The following ALDH1A2 variants were observed in gnomAD, a reference collection of about 807,000 sequenced individuals.
ALDH1A2 encodes the protein aldehyde dehydrogenase 1 family member A2.
In ALDH1A2, 27 loss-of-function variants were observed where a neutral mutation model predicts 60.3. The observed-to-expected ratio is 0.45, with a 90% CI of 0.33 to 0.62. ALDH1A2 has a LOEUF of 0.62. Ranked by LOEUF, ALDH1A2 falls within the 20% of genes least tolerant of loss-of-function variation. The pLI, the probability that ALDH1A2 is intolerant of heterozygous loss-of-function variation, is 0.02. For synonymous variants in ALDH1A2, 289 were observed against 232.4 expected, an observed-to-expected ratio of 1.24 and a Z score of -2.21; for missense variants, 581 against 643.8, an observed-to-expected ratio of 0.90 and a Z score of 1.06.
chr15:58,062,158 A>T (rs1386331508), intron 1 of ALDH1A2, among the ~76,000 whole-genome samples: 1 of 152,144 alleles, frequency 6.6e-6, no homozygotes, highest in Non-Finnish European at 1.5e-5. Flanking sequence ...GCAGGTCATT[A>T]TGTTATAAAT....
At chr15:57,996,701 T>A (rs1007954203) in intron 4 of ALDH1A2, among the ~76,000 whole-genome samples, 5 of 151,994 alleles carry the variant, frequency 3.3e-5, no homozygotes, top group African/African-American at 1.2e-4. Context: ...AATTTCTTGA[T>A]CTAAGTGTAT....
chr15:58,025,678 G>T (rs1006414483), intron 1 of ALDH1A2, among the ~76,000 whole-genome samples: 1 of 152,202 alleles, frequency 6.6e-6, no homozygotes, highest in Non-Finnish European at 1.5e-5. Context: ...AATACCTGAG[G>T]ATAGATAATT....
chr15:58,001,876 GTTCTGGATACCACA>G (rs1895286980), intron 4 of ALDH1A2, among the ~76,000 whole-genome samples: 1 of 151,916 alleles, frequency 6.6e-6, no homozygotes, highest in Non-Finnish European at 1.5e-5. Flanking sequence ...ACCAGAAAAT[GTTCTGGATACCACA>G]TTGTAGGTCA....
At chr15:58,026,344 A>G (rs1264618378) in intron 1 of ALDH1A2, among the ~76,000 whole-genome samples, 1 of 152,176 alleles carries the variant, frequency 6.6e-6, no homozygotes, top group African/African-American at 2.4e-5. Context: ...TAATCATCTC[A>G]ATAGATGCAG....
chr15:57,987,552 GA>G (rs1894744853), intron 7 of ALDH1A2, among the ~76,000 whole-genome samples: 1 of 152,018 alleles, frequency 6.6e-6, no homozygotes, highest in African/African-American at 2.4e-5. Context: ...TGTCACATTA[GA>G]ATTTTATATC....
chr15:58,036,905 G>A (rs1225605552), intron 1 of ALDH1A2, among the ~76,000 whole-genome samples: 3 of 151,694 alleles, frequency 2.0e-5, no homozygotes, highest in Admixed American at 2.0e-4. Context: ...CTGGAGTAGG[G>A]AATGGGGAAG....
At chr15:58,036,005 TAATC>T (rs1555405161) in intron 1 of ALDH1A2, among the ~76,000 whole-genome samples, 1 of 151,712 alleles carries the variant, frequency 6.6e-6, no homozygotes, top group Non-Finnish European at 1.5e-5. Flanking sequence ...TTCTTTTAAT[TAATC>T]AATACATTAA....
chr15:58,022,617 C>T (rs994115818), intron 1 of ALDH1A2, among the ~76,000 whole-genome samples: 1 of 152,142 alleles, frequency 6.6e-6, no homozygotes, highest in African/African-American at 2.4e-5. Flanking sequence ...GACAGGCACA[C>T]TCAACCCACC....
At chr15:57,982,014 G>A (rs1339161581) in intron 7 of ALDH1A2, among the ~76,000 whole-genome samples, 3 of 152,172 alleles carry the variant, frequency 2.0e-5, no homozygotes, top group African/African-American at 7.2e-5. Context: ...CGACAAGACA[G>A]CACGAGATTC....
intron 9 of ALDH1A2, 46 bp from the exon 10 acceptor site, chr15:57,962,222 A>C (rs1162802580): frequency 1.9e-6 from 3 of 1,598,536 alleles, no homozygotes; most frequent in Admixed American, 3.3e-5. Context: ...CCTTCTATGA[A>C]AATGGAAATA....
At chr15:57,967,400 G>A (rs182052511) in intron 7 of ALDH1A2, among the ~76,000 whole-genome samples, 91 of 152,240 alleles carry the variant, frequency 6.0e-4, no homozygotes, top group South Asian at 1.9e-3. Flanking sequence ...GTGAGAAGCT[G>A]GGGCCTCCCT....
intron 1 of ALDH1A2, among the ~76,000 whole-genome samples, chr15:58,018,625 C>T (rs1895845216): frequency 6.6e-6 from 1 of 152,080 alleles, no homozygotes; most frequent in African/African-American, 2.4e-5. Context: ...CAGACACCAC[C>T]TTAATCAAAT....
intron 4 of ALDH1A2, among the ~76,000 whole-genome samples, chr15:58,007,025 G>A (rs938271631): frequency 2.6e-5 from 4 of 151,834 alleles, no homozygotes; most frequent in Admixed American, 2.0e-4. Context: ...GTGCCTTACA[G>A]AGAAAATACA....
At chr15:58,004,015 A>C (rs1895365065) in intron 4 of ALDH1A2, among the ~76,000 whole-genome samples, 1 of 151,754 alleles carries the variant, frequency 6.6e-6, no homozygotes, top group Non-Finnish European at 1.5e-5. Flanking sequence ...ATTGTGCAAT[A>C]ACATCCAGCT....
intron 1 of ALDH1A2, among the ~76,000 whole-genome samples, chr15:58,017,500 C>T (rs1199586816): frequency 6.6e-6 from 1 of 152,140 alleles, no homozygotes; most frequent in Non-Finnish European, 1.5e-5. Context: ...CATGAACCCT[C>T]AAATTTCTCC....
intron 1 of ALDH1A2, among the ~76,000 whole-genome samples, chr15:58,033,481 T>C (rs1340514248): frequency 2.0e-5 from 3 of 151,874 alleles, no homozygotes; most frequent in African/African-American, 7.2e-5. Flanking sequence ...ATCATGCATA[T>C]TTAACAACTT....
chr15:58,032,887 G>C (rs577559461), intron 1 of ALDH1A2, among the ~76,000 whole-genome samples: 24 of 151,914 alleles, frequency 1.6e-4, no homozygotes, highest in African/African-American at 5.3e-4. Flanking sequence ...AACGTAGATG[G>C]GACTGGAAGT....
At chr15:58,041,002 A>T (rs60283584) in intron 1 of ALDH1A2, among the ~76,000 whole-genome samples, 368 of 152,018 alleles carry the variant, frequency 2.4e-3, no homozygotes, top group African/African-American at 8.5e-3. Flanking sequence ...CCTCAGTCCT[A>T]GATACTAGTA....
At position 58,048,276 on chromosome 15, in the gene ALDH1A2, T is replaced by A. The variant is rs4646574; in HGVS notation, c.117+17258A>T. Among the ~76,000 whole-genome samples, 294 of 152,200 alleles carry A rather than the reference T, an allele frequency of 1.9e-3. 9 individuals are homozygous for A. In the East Asian group the frequency reaches 0.053, roughly 27 times the overall value. On this transcript the variant is annotated intron_variant, in intron 1 of 12. Transcript: ENST00000249750. Reference sequence around the variant, plus strand: ...TGGGTATTTTAAATTAAGTGTTGTATGCCCAACACATTGTACTGATGTTCA... The same window carrying A: ...TGGGTATTTTAAATTAAGTGTTGTAAGCCCAACACATTGTACTGATGTTCA...
Sources: gnomAD v4.1 joint callset for allele counts (sites outside exome capture counted in the v4.1 genomes callset) on GRCh38, gnomAD v4.1.1 for gene constraint, MANE v1.5 for transcripts, NCBI Gene and HGNC (gene_info 2026-07-23, HGNC 2026-07-21) for gene names.